RUBCN: variants seen among roughly 807,000 people sequenced by gnomAD.
RUBCN encodes run domain Beclin-1-interacting and cysteine-rich domain-containing protein.
In RUBCN, 74 loss-of-function variants were observed where a neutral mutation model predicts 113.2. The observed-to-expected ratio is 0.65, with a 90% CI of 0.54 to 0.79. The LOEUF (loss-of-function observed/expected upper bound fraction) is 0.79. RUBCN is among the 30% of genes least tolerant of loss of function. The pLI is 0.00. For synonymous variants in RUBCN, 480 were observed against 490.0 expected (o/e 0.98, Z 0.27); for missense variants, 1,109 against 1,251.7 (o/e 0.89, Z 1.72).
chr3:197,674,602 G>T lies in RUBCN; in HGVS notation c.*416C>A. The stretch of plus-strand genomic sequence containing the variant: ...CCCCGTTTCAGCAGCAGGAGAGGTG[G>T]TTGAGAAAGGCCTGGCTCAGAAGCT... On this transcript the variant is annotated 3_prime_UTR_variant, in exon 20 of 20. Transcript: ENST00000296343. 1 of 467,336 alleles carries T rather than the reference G, an allele frequency of 2.1e-6. No individual in the cohort carries two copies. The highest frequency in any genetic ancestry group is 1.7e-5 in the South Asian group (1 of 60,526). The allele number at this position is 467,336 out of a possible 1,614,324, so 28.9% of individuals were successfully genotyped here. A position where few individuals can be genotyped will look rare whatever the true frequency, so the allele number is the denominator to read the frequency against.
chr3:197,679,406 A>C (rs1269196302), intron 16 of RUBCN, among the ~76,000 whole-genome samples: 145 of 136,484 alleles, frequency 1.1e-3, no homozygotes, highest in African/African-American at 4.3e-3. Flanking sequence ...CTGGCTTCAG[A>C]CTGTCCTACG....
At chr3:197,697,228 G>T (rs1212514443) in intron 7 of RUBCN, among the ~76,000 whole-genome samples, 179 bp from the exon 8 acceptor site, 1 of 152,154 alleles carries the variant, frequency 6.6e-6, no homozygotes, top group Non-Finnish European at 1.5e-5. Flanking sequence ...GAAGGAGATG[G>T]CAGGTCAGTA....
Position 197,669,896 on chromosome 3 carries a change from T to C in RUBCN, c.*5122A>G, listed in dbSNP as rs1237509942. On this transcript the variant is annotated 3_prime_UTR_variant, in exon 20 of 20. Transcript: ENST00000296343. ...TTCCCCATGTTACTATCATAATTTA[T>C]TTTTTTGTTTGAGACAGAGTCCCAC... Among the ~76,000 whole-genome samples the C allele has an allele frequency of 6.6e-6, 1 of 152,226 alleles. No homozygotes were observed. Among genetic ancestry groups the C allele is most frequent in the Non-Finnish European group, 1.5e-5 (1 of 68,036 alleles).
chr3:197,697,243 C>A (rs1312281304), intron 7 of RUBCN, among the ~76,000 whole-genome samples, 194 bp from the exon 8 acceptor site: 16 of 152,038 alleles, frequency 1.1e-4, no homozygotes, highest in African/African-American at 3.9e-4. Context: ...TCAGTACATT[C>A]TAAGTGGAAA....
Position 197,673,021 on chromosome 3 carries a change from T to G in RUBCN, c.*1997A>C, listed in dbSNP as rs1342008306. On this transcript the variant is annotated 3_prime_UTR_variant, in exon 20 of 20. Transcript: ENST00000296343. ...GTGTAATTTAAACCAAAACTGGAAG[T>G]AGAGCTCATTTTTATAAACTCCTGG... is the stretch of plus-strand genomic sequence containing the variant. 1 of 152,284 alleles carries G rather than the reference T, an allele frequency of 6.6e-6. No individual in the cohort carries two copies. Among genetic ancestry groups the G allele is most frequent in the Non-Finnish European group, 1.5e-5 (1 of 68,100 alleles). 9.4% of individuals were successfully genotyped at this position (152,284 alleles called of 1,614,324 possible).
At chr3:197,724,089 C>A (rs1726468227) in intron 1 of RUBCN, among the ~76,000 whole-genome samples, 1 of 152,148 alleles carries the variant, frequency 6.6e-6, no homozygotes, top group South Asian at 2.1e-4. Flanking sequence ...CATCAACTCA[C>A]AACGAAGCCA....
At chr3:197,685,985 C>T (rs769480820) in intron 11 of RUBCN, among the ~76,000 whole-genome samples, 1 of 151,942 alleles carries the variant, frequency 6.6e-6, no homozygotes, top group Non-Finnish European at 1.5e-5. Flanking sequence ...TTTCAGAAAA[C>T]ATTTTCTGAA....
At chr3:197,676,208 G>A (rs575333135) in intron 18 of RUBCN, 77 of 989,520 alleles carry the variant, frequency 7.8e-5, no homozygotes, top group South Asian at 1.8e-4. Flanking sequence ...CAAGAAAATC[G>A]AGGCCTCAGA....
rs189936883 is a variant in RUBCN at position 197,674,398 on chromosome 3, G to A, written c.*620C>T. ...TCAAACAGGAACTCCCGGCAACATA[G>A]GGACATTCACAGCTGCCTCTGAGGT... On this transcript the variant is annotated 3_prime_UTR_variant, in exon 20 of 20. Transcript: ENST00000296343. 2.1e-3 allele frequency: 554 copies of A among 262,352 alleles called. 3 individuals carry two copies. The highest frequency in any genetic ancestry group is 5.4e-4 in the Non-Finnish European group (64 of 119,236). 16.3% of individuals were successfully genotyped at this position (262,352 alleles called of 1,614,324 possible). A position where few individuals can be genotyped will look rare whatever the true frequency, so the allele number is the denominator to read the frequency against.
chr3:197,680,069 C>T (rs558036332), intron 16 of RUBCN, among the ~76,000 whole-genome samples: 31 of 150,386 alleles, frequency 2.1e-4, no homozygotes, highest in Non-Finnish European at 3.4e-4. Flanking sequence ...GACTGTCCTA[C>T]GCTCTAACTG....
chr3:197,683,340 C>T lies in RUBCN; in HGVS notation c.1947G>A (p.Glu649=), dbSNP rs762858146. Residue 649 remains glutamate, a synonymous_variant, in exon 13 of 20, where the codon GAG becomes GAA. Transcript: ENST00000296343. This position sits in a 1 kb window ranked among gnomAD's most constrained non-coding sequence, Gnocchi z 4.6. ...GGGCATCATGCTCCGGGACAAGCCA[C>T]TCCAGCTCCGAGGCGGCTGGAAGCT... The part of the protein sequence containing the change: ...GMQLPAASEL[E]WLVPEHDAPQ... 3 of 1,614,206 alleles carry T rather than the reference C, an allele frequency of 1.9e-6. No homozygotes were observed. The highest frequency in any genetic ancestry group is 1.6e-4 in the Middle Eastern group (1 of 6,062).
chr3:197,719,721 C>T (rs1725935437), intron 1 of RUBCN, among the ~76,000 whole-genome samples: 1 of 152,090 alleles, frequency 6.6e-6, no homozygotes, highest in African/African-American at 2.4e-5. Flanking sequence ...ATACACCAAA[C>T]AATCTATATT....
chr3:197,711,115 C>G (rs1007607369), intron 2 of RUBCN, among the ~76,000 whole-genome samples: 2 of 152,232 alleles, frequency 1.3e-5, no homozygotes, highest in East Asian at 1.9e-4. Flanking sequence ...TGAGCCACCA[C>G]GCCTGGCCTC....
chr3:197,734,336 G>A (rs1338646180), intron 1 of RUBCN, among the ~76,000 whole-genome samples: 4 of 150,550 alleles, frequency 2.7e-5, no homozygotes, highest in East Asian at 1.9e-4. Context: ...TTGAGAGGCC[G>A]AGGCTGGAGA....
intron 1 of RUBCN, among the ~76,000 whole-genome samples, chr3:197,718,691 G>T (rs547389043): frequency 2.6e-5 from 4 of 151,946 alleles, no homozygotes. Context: ...CTCCCACCTC[G>T]GCCTCCCAGA....
At chr3:197,735,501 G>A (rs1024256899) in intron 1 of RUBCN, among the ~76,000 whole-genome samples, 9 of 152,200 alleles carry the variant, frequency 5.9e-5, no homozygotes, top group Admixed American at 2.0e-4. Flanking sequence ...AAAAGATTAA[G>A]ACCAGAGTTA....
intron 9 of RUBCN, 130 bp from the exon 10 acceptor site, chr3:197,694,715 T>C: frequency 2.5e-6 from 2 of 801,610 alleles, no homozygotes; most frequent in Admixed American, 4.0e-5. Context: ...AAATGGACAT[T>C]TCTACTACGA....
Position 197,672,638 on chromosome 3 carries a change from G to C in RUBCN, c.*2380C>G, listed in dbSNP as rs1428738814. The C allele has an allele frequency of 6.6e-6, 1 of 152,256 alleles. No individual in the cohort carries two copies. Among genetic ancestry groups the C allele is most frequent in the Admixed American group, 6.5e-5 (1 of 15,286 alleles). 9.4% of individuals were successfully genotyped at this position (152,256 alleles called of 1,614,324 possible). A position where few individuals can be genotyped will look rare whatever the true frequency, so the allele number is the denominator to read the frequency against. The stretch of plus-strand genomic sequence containing the variant: ...TCCTATGCTGATGTGAAACAGGCAG[G>C]ACAAGACGGCACATCTGTCCTCCAG... On this transcript the variant is annotated 3_prime_UTR_variant, in exon 20 of 20. Coordinates refer to ENST00000296343, the MANE Select transcript of RUBCN (RefSeq NM_014687.4).
At position 197,683,858 on chromosome 3, in the gene RUBCN, A is replaced by T. The variant is rs1721537323; in HGVS notation, c.1847+299T>A. Among the ~76,000 whole-genome samples, 1 of 152,178 alleles carries T rather than the reference A, an allele frequency of 6.6e-6. No homozygotes were observed. The highest frequency in any genetic ancestry group is 1.5e-5 in the Non-Finnish European group (1 of 68,034). ...GGAATCTGTTCAATTTGATTTCATA[A>T]CCAAAAACCATCATCACTGCTCTCT... On this transcript the variant is annotated intron_variant, in intron 12 of 19. Transcript: ENST00000296343. The surrounding 1 kb of genome is among the most constrained non-coding windows in gnomAD (Gnocchi z 4.6).
Sources: gnomAD v4.1 joint callset for allele counts (sites outside exome capture counted in the v4.1 genomes callset) on GRCh38, gnomAD v4.1.1 for gene constraint, Gnocchi (gnomAD v3.1) non-coding constraint, MANE v1.5 for transcripts, NCBI Gene and HGNC (gene_info 2026-07-23, HGNC 2026-07-21) for gene names.